The following XRN1 variants were observed in gnomAD, a reference collection of about 807,000 sequenced individuals.
The protein encoded by XRN1 is 5'-3' exoribonuclease 1.
A neutral mutation model predicts 222.3 loss-of-function variants in XRN1; 67 were observed. The ratio of observed to expected loss-of-function variants is 0.30; its 90% CI spans 0.25 to 0.37. The LOEUF (loss-of-function observed/expected upper bound fraction) is 0.37. Ranked by LOEUF, XRN1 falls within the 10% of genes least tolerant of loss-of-function variation. The pLI is 1.00. For synonymous variants in XRN1, 643 were observed against 652.4 expected (o/e 0.99, Z 0.22); for missense variants, 1,707 against 2,000.2 (o/e 0.85, Z 2.80).
chr3:142,370,221 ATT>A (rs1193590918), intron 27 of XRN1, among the ~76,000 whole-genome samples: 2 of 152,190 alleles, frequency 1.3e-5, no homozygotes, highest in Non-Finnish European at 2.9e-5. Flanking sequence ...TGAAAATATA[ATT>A]TTATAAGTTT....
At chr3:142,419,304 A>G (rs2068908134) in intron 10 of XRN1, among the ~76,000 whole-genome samples, 1 of 151,894 alleles carries the variant, frequency 6.6e-6, no homozygotes, top group African/African-American at 2.4e-5. Context: ...AAAGTTGCAG[A>G]GCCCGTTTTC....
intron 6 of XRN1, among the ~76,000 whole-genome samples, chr3:142,423,277 A>G (rs948390948): frequency 2.6e-5 from 4 of 152,198 alleles, no homozygotes; most frequent in African/African-American, 7.2e-5. Context: ...TCCACATGCA[A>G]AAGAATGAAG....
At chr3:142,410,022 A>C (rs2068503430) in intron 15 of XRN1, among the ~76,000 whole-genome samples, 2 of 152,224 alleles carry the variant, frequency 1.3e-5, no homozygotes, top group African/African-American at 4.8e-5. Context: ...GTTACTTATC[A>C]GTTAAAGTTT....
At chr3:142,384,837 G>T (rs2067434696) in intron 20 of XRN1, 152 bp from the exon 21 acceptor site, 1 of 543,148 alleles carries the variant, frequency 1.8e-6, no homozygotes. Flanking sequence ...TACCTAACTT[G>T]AGACTTTTTG....
Position 142,407,987 on chromosome 3 carries a change from A to C in XRN1, c.1714-2911T>G, listed in dbSNP as rs2068412282. ...TCTTTTTCATTAACTTCTGCTCATC[A>C]CTTCCAGCACAGAATGTCAACAGCT... On this transcript the variant is annotated intron_variant, in intron 15 of 40. Transcript: ENST00000392981. Among the ~76,000 whole-genome samples the C allele has an allele frequency of 2.6e-5, 4 of 152,186 alleles. No individual in the cohort carries two copies. In the South Asian group the frequency reaches 8.3e-4, roughly 32 times the overall value.
At chr3:142,423,007 T>C (rs1369276638) in intron 6 of XRN1, 85 bp from the exon 7 acceptor site, 8 of 1,085,362 alleles carry the variant, frequency 7.4e-6, no homozygotes, top group Non-Finnish European at 1.1e-5. Flanking sequence ...AAATCAAAAG[T>C]ATCATCAGAA....
At chr3:142,356,440 A>C (rs1343242913) in intron 31 of XRN1, among the ~76,000 whole-genome samples, 4 of 152,334 alleles carry the variant, frequency 2.6e-5, no homozygotes, top group Non-Finnish European at 5.9e-5. Flanking sequence ...AAAGTGTCTC[A>C]CACAAGACAA....
intron 8 of XRN1, 133 bp downstream of exon 8, chr3:142,422,449 C>A: frequency 1.0e-6 from 1 of 976,530 alleles, no homozygotes; most frequent in Non-Finnish European, 1.5e-6. Context: ...AGGTTAGCAC[C>A]TTAGACCAAA....
intron 18 of XRN1, 60 bp from the exon 19 acceptor site, chr3:142,400,607 A>G (rs930600564): frequency 7.3e-7 from 1 of 1,373,436 alleles, no homozygotes; most frequent in Non-Finnish European, 1.0e-6. Context: ...AACTTTACAC[A>G]GGCAAAATTT....
At chr3:142,355,318 AAAT>A (rs1361332820) in intron 32 of XRN1, 80 bp downstream of exon 32, 6 of 709,300 alleles carry the variant, frequency 8.5e-6, no homozygotes, top group Non-Finnish European at 1.2e-5. Flanking sequence ...TGTCACAGAA[AAAT>A]AATCATTGTA....
intron 37 of XRN1, among the ~76,000 whole-genome samples, chr3:142,324,522 T>C (rs1305078755): frequency 6.6e-6 from 1 of 151,864 alleles, no homozygotes; most frequent in East Asian, 1.9e-4. Flanking sequence ...TGGTTCCAAG[T>C]CTTTGCTATT....
chr3:142,405,192 A>G (rs1471822360), intron 15 of XRN1, 116 bp from the exon 16 acceptor site: 47 of 973,866 alleles, frequency 4.8e-5, no homozygotes, highest in Non-Finnish European at 6.5e-5. Context: ...TTGAAAAACA[A>G]AAAACCAAAA....
chr3:142,417,074 A>G, intron 13 of XRN1, 66 bp downstream of exon 13: 1 of 1,218,290 alleles, frequency 8.2e-7, no homozygotes, highest in Non-Finnish European at 1.2e-6. Context: ...TGCTTCCTAA[A>G]TAAGACTCTA....
intron 31 of XRN1, among the ~76,000 whole-genome samples, chr3:142,356,524 CT>C (rs2066470211): frequency 6.6e-6 from 1 of 152,084 alleles, no homozygotes; most frequent in East Asian, 1.9e-4. Context: ...TTGAAAATTG[CT>C]TTTGATAAAC....
At chr3:142,331,264 A>C (rs2065688983) in intron 36 of XRN1, among the ~76,000 whole-genome samples, 1 of 152,190 alleles carries the variant, frequency 6.6e-6, no homozygotes, top group Non-Finnish European at 1.5e-5. Context: ...ATAAAATGCT[A>C]AAGTATAGAG....
rs1396650020 is a variant in XRN1 at position 142,308,072 on chromosome 3, G to A, written c.*3439C>T. The A allele has an allele frequency of 6.6e-6, 1 of 152,114 alleles. No individual in the cohort carries two copies. Among genetic ancestry groups the A allele is most frequent in the East Asian group, 1.9e-4 (1 of 5,188 alleles). The allele number at this position is 152,114 out of a possible 1,614,324, so 9.4% of individuals were successfully genotyped here. ...GGAAGAAGCGTGACAGAACTAACTT[G>A]AGTGAAGATCTGCACAGCTCTATCT... On this transcript the variant is annotated 3_prime_UTR_variant, in exon 41 of 41. Transcript: ENST00000392981.
At chr3:142,416,120 A>C (rs1204896083) in intron 13 of XRN1, among the ~76,000 whole-genome samples, 1 of 151,720 alleles carries the variant, frequency 6.6e-6, no homozygotes, top group Non-Finnish European at 1.5e-5. Context: ...TTTCTTCTTC[A>C]CCTTTCTAGC....
At position 142,410,487 on chromosome 3, in the gene XRN1, G is replaced by GTTTTTT. The variant is rs751870329; in HGVS notation, c.1713+2051_1713+2056dup. 2.7e-3 allele frequency among the ~76,000 whole-genome samples: 181 copies of GTTTTTT among 68,076 alleles called. 23 individuals are homozygous for GTTTTTT. Among genetic ancestry groups the GTTTTTT allele is most frequent in the African/African-American group, 5.1e-3 (83 of 16,338 alleles). The allele number at this position is 68,076 out of a possible 152,430, so 44.7% of individuals were successfully genotyped here. ...TATACGCTGTCAGATTCTATCTCAT[G>GTTTTTT]TTTTTTTTTTTTTTTTTTTTTTTTT... On this transcript the variant is annotated intron_variant, in intron 15 of 40. Transcript: ENST00000392981.
chr3:142,423,071 A>G, intron 6 of XRN1, 149 bp from the exon 7 acceptor site: 1 of 638,538 alleles, frequency 1.6e-6, no homozygotes, highest in African/African-American at 1.8e-5. Flanking sequence ...TTGCAGGGTA[A>G]CAAAGATAAA....
Sources: allele counts gnomAD v4.1 joint callset (sites outside exome capture counted in the v4.1 genomes callset), GRCh38; gene constraint gnomAD v4.1.1; transcripts MANE v1.5; gene names NCBI Gene and HGNC (gene_info 2026-07-23, HGNC 2026-07-21).